Variants in ATRNL1 observed in about 807,000 individuals in gnomAD.
The protein encoded by ATRNL1 is attractin like 1.
In ATRNL1, 95 loss-of-function variants were observed where a neutral mutation model predicts 182.7. That is an observed-to-expected ratio of 0.52 (90% CI 0.44 to 0.62). The LOEUF (loss-of-function observed/expected upper bound fraction) is 0.62, where lower values mean the gene tolerates loss of function less well. ATRNL1 is among the 20% of genes least tolerant of loss of function. ATRNL1 has a pLI of 0.00. For synonymous variants in ATRNL1, 576 were observed against 568.3 expected (o/e 1.01, Z -0.19); for missense variants, 1,471 against 1,679.5 (o/e 0.88, Z 2.17).
intron 17 of ATRNL1, among the ~76,000 whole-genome samples, chr10:115,306,419 T>G (rs192264334): frequency 8.5e-5 from 13 of 152,282 alleles, no homozygotes; most frequent in Admixed American, 4.6e-4. Flanking sequence ...TTATCCCCCC[T>G]TTGGGAGCTT....
intron 9 of ATRNL1, among the ~76,000 whole-genome samples, chr10:115,230,911 G>GAA (rs1564837930): frequency 3.7e-4 from 42 of 112,106 alleles, no homozygotes; most frequent in African/African-American, 1.4e-3. Flanking sequence ...GAGAGAGAGA[G>GAA]AGAGAGAGAG....
intron 5 of ATRNL1, among the ~76,000 whole-genome samples, chr10:115,145,067 A>G (rs1254842812): frequency 2.0e-5 from 3 of 152,140 alleles, no homozygotes; most frequent in East Asian, 1.9e-4. Flanking sequence ...TTTATAATTT[A>G]TTATTTTAGA....
intron 26 of ATRNL1, among the ~76,000 whole-genome samples, chr10:115,622,827 T>C (rs1458786667): frequency 1.3e-5 from 2 of 151,744 alleles, no homozygotes; most frequent in Non-Finnish European, 2.9e-5. Flanking sequence ...CGTGGGAGGC[T>C]GAGGCAGGAG....
At chr10:115,386,363 G>C (rs569835148) in intron 19 of ATRNL1, among the ~76,000 whole-genome samples, 1 of 152,112 alleles carries the variant, frequency 6.6e-6, no homozygotes, top group South Asian at 2.1e-4. Context: ...AGCTGCGGGG[G>C]GTCTGTCCCT....
At chr10:115,427,228 G>T (rs1165353451) in intron 21 of ATRNL1, among the ~76,000 whole-genome samples, 1 of 152,234 alleles carries the variant, frequency 6.6e-6, no homozygotes, top group African/African-American at 2.4e-5. Flanking sequence ...TACTAATGAT[G>T]TTCAGCATCT....
chr10:115,457,357 C>T (rs191665643), intron 21 of ATRNL1, among the ~76,000 whole-genome samples: 47 of 151,888 alleles, frequency 3.1e-4, no homozygotes, highest in African/African-American at 7.3e-4. Flanking sequence ...AGGAACCAAT[C>T]GAGAGAGTGG....
At chr10:115,503,834 A>AT (rs113034465) in intron 24 of ATRNL1, among the ~76,000 whole-genome samples, 2 of 151,552 alleles carry the variant, frequency 1.3e-5, no homozygotes, top group African/African-American at 2.4e-5. Context: ...ACCCTACAAG[A>AT]TTTTTTTTCA....
At chr10:115,646,070 A>ACACACACACAG (rs1555032301) in intron 26 of ATRNL1, among the ~76,000 whole-genome samples, 2 of 51,452 alleles carry the variant, frequency 3.9e-5, no homozygotes, top group South Asian at 1.9e-3. Context: ...CACACACACA[A>ACACACACACAG]ACATATATGC....
At position 115,164,646 on chromosome 10, in the gene ATRNL1, C is replaced by T. The variant is rs371502881; in HGVS notation, c.1005-912C>T. On this transcript the variant is annotated intron_variant, in intron 6 of 28. Coordinates refer to ENST00000355044, the MANE Select transcript of ATRNL1 (RefSeq NM_207303.4). The stretch of plus-strand genomic sequence containing the variant: ...ATACACAATGGAGTATTGTTTAGTC[C>T]CCCTAAAATGAAATCATGTCATTTG... Among the ~76,000 whole-genome samples, 7 of 151,942 alleles carry T rather than the reference C, an allele frequency of 4.6e-5. No individual in the cohort carries two copies. In the South Asian group the frequency reaches 1.5e-3, roughly 32 times the overall value.
intron 7 of ATRNL1, among the ~76,000 whole-genome samples, chr10:115,166,777 T>C (rs11197095): frequency 0.31 from 46,748 of 151,916 alleles, 8,540 homozygotes; most frequent in Middle Eastern, 0.45. Context: ...TTGGAGGAGC[T>C]CTTTATATAT....
chr10:115,404,277 C>T (rs1844717617), intron 20 of ATRNL1, among the ~76,000 whole-genome samples: 4 of 152,110 alleles, frequency 2.6e-5, no homozygotes, highest in African/African-American at 9.7e-5. Flanking sequence ...ACATTCTGAA[C>T]ACAACTCAGC....
At chr10:115,885,288 A>G (rs1371151060) in intron 28 of ATRNL1, among the ~76,000 whole-genome samples, 1 of 152,220 alleles carries the variant, frequency 6.6e-6, no homozygotes, top group Admixed American at 6.5e-5. Flanking sequence ...TGATAATAAT[A>G]CTGTTAGCTC....
intron 25 of ATRNL1, among the ~76,000 whole-genome samples, chr10:115,540,790 C>T (rs1592820388): frequency 6.6e-6 from 1 of 150,970 alleles, no homozygotes; most frequent in African/African-American, 2.4e-5. Flanking sequence ...GGGAACAGGG[C>T]TCTAATGGAA....
At chr10:115,915,229 C>G (rs1247535584) in intron 28 of ATRNL1, among the ~76,000 whole-genome samples, 2 of 152,050 alleles carry the variant, frequency 1.3e-5, no homozygotes, top group Non-Finnish European at 2.9e-5. Flanking sequence ...AAGCCCGTCT[C>G]TACTAAAAAT....
At chr10:115,277,602 G>T (rs1224468282) in intron 13 of ATRNL1, among the ~76,000 whole-genome samples, 1 of 151,248 alleles carries the variant, frequency 6.6e-6, no homozygotes, top group African/African-American at 2.4e-5. Context: ...AGATTGAGGT[G>T]GGGGCTCAAT....
chr10:115,563,903 A>AG (rs1853915523), intron 26 of ATRNL1, among the ~76,000 whole-genome samples: 1 of 152,072 alleles, frequency 6.6e-6, no homozygotes, highest in Non-Finnish European at 1.5e-5. Context: ...ATCTTAAAAT[A>AG]ATATAATTAG....
chr10:115,936,107 T>C (rs1019481162), intron 28 of ATRNL1, among the ~76,000 whole-genome samples: 2 of 152,226 alleles, frequency 1.3e-5, no homozygotes, highest in African/African-American at 4.8e-5. Flanking sequence ...GATTTTTGCA[T>C]GAATGAATGC....
Position 115,641,017 on chromosome 10 carries a change from A to T in ATRNL1, c.3796-86231A>T, listed in dbSNP as rs139268605. On this transcript the variant is annotated intron_variant, in intron 26 of 28. Coordinates refer to ENST00000355044, the MANE Select transcript of ATRNL1 (RefSeq NM_207303.4). ...CTAGCCAGTTTTCCCAGCACCATTT[A>T]TTAAATAGGGAATCCTTTCCCCATT... 4.7e-3 allele frequency among the ~76,000 whole-genome samples: 723 copies of T among 152,240 alleles called. 2 individuals carry two copies. The highest frequency in any genetic ancestry group is 0.01 in the Middle Eastern group (3 of 294).
At chr10:115,710,896 C>CT (rs1947044077) in intron 26 of ATRNL1, among the ~76,000 whole-genome samples, 1 of 151,884 alleles carries the variant, frequency 6.6e-6, no homozygotes, top group African/African-American at 2.4e-5. Context: ...AACTTTTTTT[C>CT]TTTTTTTGTT....
Sources: gnomAD v4.1 joint callset for allele counts (sites outside exome capture counted in the v4.1 genomes callset) on GRCh38, gnomAD v4.1.1 for gene constraint, MANE v1.5 for transcripts, NCBI Gene and HGNC (gene_info 2026-07-23, HGNC 2026-07-21) for gene names.